GABRA3: variants seen among roughly 807,000 people sequenced by gnomAD.
The protein encoded by GABRA3 is gamma-aminobutyric acid receptor subunit alpha-3.
GABRA3 carries 10 observed loss-of-function variants against 30.1 expected under a neutral mutation model. The observed-to-expected ratio is 0.33, with a 90% confidence interval of 0.20 to 0.56. The LOEUF is 0.56. Ranked by LOEUF, GABRA3 falls within the 20% of genes least tolerant of loss-of-function variation. GABRA3 has a pLI of 0.89. For synonymous variants in GABRA3, 151 were observed against 146.8 expected, an observed-to-expected ratio of 1.03 and a Z score of -0.21; for missense variants, 233 against 392.0, an observed-to-expected ratio of 0.59 and a Z score of 3.42.
At chrX:152,376,642 T>C (rs1359712612) in intron 1 of GABRA3, among the ~76,000 whole-genome samples, 1 of 111,881 alleles carries the variant, frequency 8.9e-6, no homozygotes, top group Non-Finnish European at 1.9e-5. Context: ...TGTTTCTTTC[T>C]AGCTGTTACC....
chrX:152,294,131 T>A (rs1346657633), intron 3 of GABRA3, among the ~76,000 whole-genome samples: 2 of 111,288 alleles, frequency 1.8e-5, no homozygotes, highest in Admixed American at 1.9e-4. Context: ...GAGGAGTATC[T>A]TTGTGGTCTT....
intron 6 of GABRA3, among the ~76,000 whole-genome samples, chrX:152,211,974 T>G (rs1172686875): frequency 9.1e-6 from 1 of 109,891 alleles, no homozygotes; most frequent in African/African-American, 3.3e-5. Flanking sequence ...GAAGGAAGCT[T>G]AATAAATAGC....
intron 3 of GABRA3, among the ~76,000 whole-genome samples, chrX:152,342,087 G>A (rs56265380): frequency 0.11 from 11,922 of 111,114 alleles, 526 homozygotes; most frequent in South Asian, 0.13. Flanking sequence ...TAGCCAGGCT[G>A]GTCTCGAACT....
chrX:152,297,851 C>T (rs755847515), intron 3 of GABRA3, among the ~76,000 whole-genome samples: 4 of 112,367 alleles, frequency 3.6e-5, no homozygotes, highest in Admixed American at 1.9e-4. Flanking sequence ...CATTGCTCCT[C>T]GCTGCAAATA....
At chrX:152,185,426 G>T (rs61703627) in intron 9 of GABRA3, among the ~76,000 whole-genome samples, 2 of 110,877 alleles carry the variant, frequency 1.8e-5, no homozygotes, top group East Asian at 5.6e-4. Flanking sequence ...TGGAGAAATG[G>T]TCATCATTTC....
chrX:152,404,756 A>C (rs1025922849), intron 1 of GABRA3, among the ~76,000 whole-genome samples: 1 of 101,879 alleles, frequency 9.8e-6, no homozygotes, highest in African/African-American at 3.6e-5. Flanking sequence ...TATTATTATT[A>C]TTATTATTAT....
intron 4 of GABRA3, among the ~76,000 whole-genome samples, chrX:152,256,648 A>G (rs906251808): frequency 2.7e-5 from 3 of 112,223 alleles, no homozygotes; most frequent in African/African-American, 6.5e-5. Flanking sequence ...AATACAAAAT[A>G]AATGAACAAT....
intron 1 of GABRA3, among the ~76,000 whole-genome samples, chrX:152,419,896 ACATAGTTCC>A (rs776367732): frequency 4.1e-4 from 46 of 111,695 alleles, no homozygotes; most frequent in Non-Finnish European, 8.3e-4. Context: ...ACATGCATAC[ACATAGTTCC>A]CATCCTGTGT....
At chrX:152,185,099 C>G (rs1163957844) in intron 9 of GABRA3, among the ~76,000 whole-genome samples, 3 of 111,627 alleles carry the variant, frequency 2.7e-5, no homozygotes, top group African/African-American at 9.7e-5. Flanking sequence ...ATATGTCTCC[C>G]TAATGGAAGA....
chrX:152,310,687 GA>G (rs1939785450), intron 3 of GABRA3, among the ~76,000 whole-genome samples: 1 of 110,452 alleles, frequency 9.1e-6, no homozygotes, highest in Middle Eastern at 4.7e-3. Flanking sequence ...AAAGCTAGCA[GA>G]AGAAAAAAAC....
intron 1 of GABRA3, among the ~76,000 whole-genome samples, chrX:152,397,619 T>C (rs1178461415): frequency 8.9e-6 from 1 of 111,938 alleles, no homozygotes; most frequent in African/African-American, 3.2e-5. Flanking sequence ...TTCAGCAATA[T>C]TGAGAAAAAA....
At chrX:152,368,860 C>T (rs887647400) in intron 1 of GABRA3, among the ~76,000 whole-genome samples, 4 of 109,116 alleles carry the variant, frequency 3.7e-5, no homozygotes, top group East Asian at 5.8e-4. Context: ...CACCGGCCAC[C>T]ACGCCCAGCT....
intron 9 of GABRA3, among the ~76,000 whole-genome samples, chrX:152,182,633 C>CTATATATACACTATATATACATAGTG (rs1569348473): frequency 3.0e-4 from 1 of 3,330 alleles, no homozygotes; most frequent in African/African-American, 6.0e-4. Flanking sequence ...TATATATACA[C>CTATATATACACTATATATACATAGTG]TATATATACA....
At chrX:152,405,776 C>T (rs957600739) in intron 1 of GABRA3, among the ~76,000 whole-genome samples, 1 of 111,509 alleles carries the variant, frequency 9.0e-6, no homozygotes, top group African/African-American at 3.3e-5. Flanking sequence ...GATTCACCAC[C>T]TACTGACTAA....
chrX:152,264,123 TAAG>T (rs1425620918), intron 4 of GABRA3, among the ~76,000 whole-genome samples: 1 of 111,128 alleles, frequency 9.0e-6, no homozygotes, highest in Admixed American at 9.6e-5. Context: ...TAATGAGTAA[TAAG>T]AAATAATCTG....
In GABRA3 at chrX:152,178,998, T is replaced by G. The variant is rs1006427292; in HGVS notation, c.1144-10435A>C. Among the ~76,000 whole-genome samples, 4 of 112,070 alleles carry G rather than the reference T, an allele frequency of 3.6e-5. No homozygotes were observed. The East Asian group carries it at 1.1e-3, about 31-fold the overall frequency. On this transcript the variant is annotated intron_variant, in intron 9 of 9. Transcript: ENST00000370314. Reference sequence around the variant, plus strand: ...CTTCCTGAATCCTCTAGTACAATTATAGCAAACTTTTTAGTTCTATCAATA... The same window carrying G: ...CTTCCTGAATCCTCTAGTACAATTAGAGCAAACTTTTTAGTTCTATCAATA...
At chrX:152,407,121 T>A (rs866081557) in intron 1 of GABRA3, among the ~76,000 whole-genome samples, 3 of 111,208 alleles carry the variant, frequency 2.7e-5, no homozygotes, top group Non-Finnish European at 5.7e-5. Flanking sequence ...AACACCTAGA[T>A]TGAAAAGGTA....
At chrX:152,341,666 A>T (rs980685842) in intron 3 of GABRA3, among the ~76,000 whole-genome samples, 31 of 105,617 alleles carry the variant, frequency 2.9e-4, no homozygotes, top group African/African-American at 1.0e-3. Flanking sequence ...CAGCCTCCCA[A>T]CTAGCTGGGA....
rs1940338483 is a variant in GABRA3 at position 152,343,074 on chromosome X, CTCTG to C, written c.262+2503_262+2506del. 2.7e-5 allele frequency among the ~76,000 whole-genome samples: 3 copies of C among 111,528 alleles called. No individual in the cohort carries two copies. The Admixed American group carries it at 2.9e-4, about 11-fold the overall frequency. ...CTCTACAGATTTCTGCTTTCTCTCT[CTCTG>C]TCTTTCTCTCCACAACTTTTTAGTC... On this transcript the variant is annotated intron_variant, in intron 3 of 9. Coordinates refer to ENST00000370314, the MANE Select transcript of GABRA3 (RefSeq NM_000808.4).
Sources: allele counts gnomAD v4.1 joint callset (sites outside exome capture counted in the v4.1 genomes callset), GRCh38; gene constraint gnomAD v4.1.1; transcripts MANE v1.5; gene names NCBI Gene and HGNC (gene_info 2026-07-23, HGNC 2026-07-21).